Variants in PTPRD observed in about 807,000 individuals in gnomAD.
PTPRD encodes protein tyrosine phosphatase receptor type D.
A neutral mutation model predicts 214.5 loss-of-function variants in PTPRD; 34 were observed. That is an observed-to-expected ratio of 0.16 (90% CI 0.12 to 0.21). The LOEUF (loss-of-function observed/expected upper bound fraction) is 0.21. Ranked by LOEUF, PTPRD falls within the 10% of genes least tolerant of loss-of-function variation. PTPRD has a pLI of 1.00. For missense variants in PTPRD, 2,545 were observed against 2,398.7 expected (o/e 1.06, Z -1.27); for synonymous variants, 1,128 against 845.7 (o/e 1.33, Z -5.79).
At chr9:9,187,331 C>G (rs73403468) in intron 9 of PTPRD, among the ~76,000 whole-genome samples, 1 of 151,974 alleles carries the variant, frequency 6.6e-6, no homozygotes, top group Non-Finnish European at 1.5e-5. Context: ...AGTCATTGTA[C>G]TCAGATTTTC....
At chr9:10,069,144 C>A (rs932189653) in intron 3 of PTPRD, among the ~76,000 whole-genome samples, 1 of 152,090 alleles carries the variant, frequency 6.6e-6, no homozygotes, top group African/African-American at 2.4e-5. Context: ...ATCCCTGTGG[C>A]ATTGTGCAGC....
chr9:9,304,773 G>C (rs1408246095), intron 9 of PTPRD, among the ~76,000 whole-genome samples: 1 of 151,030 alleles, frequency 6.6e-6, no homozygotes, highest in East Asian at 1.9e-4. Context: ...TGGCCTAATG[G>C]AAAGGAAAAA....
chr9:8,679,767 C>A (rs2097514242), intron 12 of PTPRD, among the ~76,000 whole-genome samples: 2 of 152,086 alleles, frequency 1.3e-5, no homozygotes, highest in South Asian at 4.1e-4. Context: ...CCTCTGTGTT[C>A]CTGCCTGCTG....
At chr9:10,380,186 C>T (rs1174644636) in intron 2 of PTPRD, among the ~76,000 whole-genome samples, 1 of 151,900 alleles carries the variant, frequency 6.6e-6, no homozygotes, top group Non-Finnish European at 1.5e-5. Context: ...CAAAGAGAAC[C>T]AAAAAGAAAC....
chr9:8,705,265 G>C (rs1293677443), intron 12 of PTPRD, among the ~76,000 whole-genome samples: 1 of 152,138 alleles, frequency 6.6e-6, no homozygotes, highest in African/African-American at 2.4e-5. Flanking sequence ...TTGTCACCCA[G>C]ACTGGAGTGC....
At chr9:10,199,057 CT>C (rs539194777) in intron 3 of PTPRD, among the ~76,000 whole-genome samples, 145 of 146,430 alleles carry the variant, frequency 9.9e-4, no homozygotes, top group South Asian at 1.5e-3. Context: ...TTTCCAAATT[CT>C]TTTTTTTTTT....
At chr9:10,494,053 T>G (rs757826496) in intron 2 of PTPRD, among the ~76,000 whole-genome samples, 2 of 151,940 alleles carry the variant, frequency 1.3e-5, no homozygotes, top group South Asian at 4.1e-4. Flanking sequence ...ACGCTGGGAT[T>G]TGTGAGCAGT....
intron 5 of PTPRD, among the ~76,000 whole-genome samples, chr9:9,814,881 C>A (rs2048277732): frequency 1.3e-5 from 2 of 149,244 alleles, no homozygotes; most frequent in South Asian, 4.3e-4. Flanking sequence ...TTCACTGCAG[C>A]CTCAACCTCC....
intron 8 of PTPRD, among the ~76,000 whole-genome samples, chr9:9,405,804 TC>T (rs1367459632): frequency 6.6e-6 from 1 of 152,028 alleles, no homozygotes; most frequent in Non-Finnish European, 1.5e-5. Flanking sequence ...AAGAATGTTT[TC>T]CAACACTGAA....
chr9:8,878,125 T>G (rs2098410536), intron 11 of PTPRD, among the ~76,000 whole-genome samples: 1 of 152,236 alleles, frequency 6.6e-6, no homozygotes, highest in South Asian at 2.1e-4. Context: ...ATAGTTTACA[T>G]TGCCAGATAT....
At chr9:9,099,754 C>T (rs2099788767) in intron 10 of PTPRD, among the ~76,000 whole-genome samples, 1 of 152,112 alleles carries the variant, frequency 6.6e-6, no homozygotes, top group Non-Finnish European at 1.5e-5. Flanking sequence ...CCCATGGTTT[C>T]TATGAATAGA....
At chr9:8,728,093 CA>C (rs548355341) in intron 12 of PTPRD, among the ~76,000 whole-genome samples, 355 of 150,942 alleles carry the variant, frequency 2.4e-3, no homozygotes, top group African/African-American at 8.2e-3. Flanking sequence ...ACTAAAAACA[CA>C]AAAAAATTAG....
intron 10 of PTPRD, among the ~76,000 whole-genome samples, chr9:9,052,758 A>G (rs1486695357): frequency 6.6e-6 from 1 of 152,204 alleles, no homozygotes; most frequent in Non-Finnish European, 1.5e-5. Flanking sequence ...TTCCCAATGG[A>G]TAACTTTACA....
intron 6 of PTPRD, among the ~76,000 whole-genome samples, chr9:9,750,320 C>G (rs150829242): frequency 4.2e-4 from 64 of 151,740 alleles, no homozygotes; most frequent in East Asian, 1.6e-3. Context: ...AGTTATCAAG[C>G]CATCCAAAAA....
At chr9:8,899,922 T>C (rs541272654) in intron 11 of PTPRD, among the ~76,000 whole-genome samples, 1 of 152,320 alleles carries the variant, frequency 6.6e-6, no homozygotes, top group Non-Finnish European at 1.5e-5. Context: ...AGATAAACGA[T>C]TTGGAAACAT....
At chr9:9,837,466 C>A (rs1008295810) in intron 5 of PTPRD, among the ~76,000 whole-genome samples, 10 of 152,056 alleles carry the variant, frequency 6.6e-5, no homozygotes, top group Non-Finnish European at 1.2e-4. Flanking sequence ...TTGTATTAAT[C>A]TTGATGGGAA....
chr9:8,561,972 A>G (rs2086572859), intron 14 of PTPRD, among the ~76,000 whole-genome samples: 1 of 152,188 alleles, frequency 6.6e-6, no homozygotes, highest in Admixed American at 6.5e-5. Context: ...TAGTCCTACT[A>G]GAGTTTAAAA....
intron 11 of PTPRD, among the ~76,000 whole-genome samples, chr9:8,755,899 A>G (rs1301800241): frequency 6.6e-6 from 1 of 152,210 alleles, no homozygotes; most frequent in Admixed American, 6.5e-5. Context: ...CCTCTAATAA[A>G]TTTGCTTATC....
intron 5 of PTPRD, among the ~76,000 whole-genome samples, chr9:9,859,247 C>A (rs1377153047): frequency 6.6e-6 from 1 of 152,170 alleles, no homozygotes; most frequent in African/African-American, 2.4e-5. Context: ...AATGAAACTT[C>A]TTTTGCTTAT....
Sources: allele counts gnomAD v4.1 joint callset (sites outside exome capture counted in the v4.1 genomes callset), GRCh38; gene constraint gnomAD v4.1.1; transcripts MANE v1.5; gene names NCBI Gene and HGNC (gene_info 2026-07-23, HGNC 2026-07-21).